The following GATA1 variants were observed in gnomAD, a reference collection of about 807,000 sequenced individuals.
The protein encoded by GATA1 is erythroid transcription factor.
A neutral mutation model predicts 18.9 loss-of-function variants in GATA1; 2 were observed. The ratio of observed to expected loss-of-function variants is 0.11; its 90% CI spans 0.04 to 0.33. GATA1 has a LOEUF of 0.33. Among genes scored for constraint, GATA1 ranks in the 10% least tolerant of loss-of-function variants. The pLI, the probability that GATA1 is intolerant of heterozygous loss-of-function variation, is 1.00. For synonymous variants in GATA1, 152 were observed against 149.1 expected, an observed-to-expected ratio of 1.02 and a Z score of -0.14; for missense variants, 272 against 344.7, an observed-to-expected ratio of 0.79 and a Z score of 1.67.
At chrX:48,790,245 G>A (rs2062669930) in intron 1 of GATA1, among the ~76,000 whole-genome samples, 1 of 109,242 alleles carries the variant, frequency 9.2e-6, no homozygotes, top group Admixed American at 9.7e-5. Flanking sequence ...TTGAGGCCAG[G>A]AGTTCAAGAC....
intron 1 of GATA1, among the ~76,000 whole-genome samples, chrX:48,790,289 CA>C (rs1179079415): frequency 1.9e-4 from 19 of 98,511 alleles, no homozygotes; most frequent in Non-Finnish European, 2.1e-5. Context: ...CCCATTTCTA[CA>C]AAAAAAAAAC....
At position 48,791,098 on chromosome X, in the gene GATA1, C is replaced by T. The variant is rs1557019991; in HGVS notation, c.-12C>T. 1.2e-5 allele frequency: 14 copies of T among 1,194,901 alleles called. No homozygotes were observed. Among genetic ancestry groups the T allele is most frequent in the Non-Finnish European group, 1.6e-5 (14 of 883,063 alleles). On this transcript the variant is annotated 5_prime_UTR_variant, in exon 2 of 6. Transcript: ENST00000376670. ...CCCCTTCTGTCCTCGCAGGTTAATC[C>T]CCAGAGGCTCCATGGAGTTCCCTGG...
rs1557020679 is a variant in GATA1, at chrX:48,794,201, C to T, written c.*37C>T. The T allele has an allele frequency of 1.7e-6, 2 of 1,194,006 alleles. No individual in the cohort carries two copies. Among genetic ancestry groups the T allele is most frequent in the Non-Finnish European group, 2.3e-6 (2 of 885,312 alleles). On this transcript the variant is annotated 3_prime_UTR_variant, in exon 6 of 6. Transcript: ENST00000376670. Reference sequence around the variant, plus strand: ...ATGGCCTCCAGAGGAGGGGTGGTGTCCTTCTCCTCTTGTAGCCAGAATTCT... The same window carrying T: ...ATGGCCTCCAGAGGAGGGGTGGTGTTCTTCTCCTCTTGTAGCCAGAATTCT...
Position 48,794,119 on chromosome X carries a change from GC to G in GATA1, c.1203del (p.Thr402ProfsTer30), listed in dbSNP as rs2147307824. ...CGGGCTCCTTCCCCACAGGCCCCATGCCCCCCACCACCAGCACTACTGTGGT... is the reference window on the plus strand; with the variant it reads ...CGGGCTCCTTCCCCACAGGCCCCATGCCCCCACCACCAGCACTACTGTGGT... Reference protein sequence around the residue: ...PTGSFPTGPMPPTTSTTVVAP... With the variant: ...PTGSFPTGPMXPTTSTTVVAP... On this transcript the variant is annotated frameshift_variant, in exon 6 of 6. Coordinates refer to ENST00000376670, the MANE Select transcript of GATA1 (RefSeq NM_002049.4). LOFTEE classifies it high-confidence loss of function. 8.4e-7 allele frequency: 1 copy of G among 1,188,296 alleles called. No individual in the cohort carries two copies.
Position 48,792,217 on chromosome X carries a change from C to A in GATA1, c.594C>A (p.Pro198=), listed in dbSNP as rs369844571. 48 of 1,209,598 alleles carry A rather than the reference C, an allele frequency of 4.0e-5. No homozygotes were observed. The highest frequency in any genetic ancestry group is 4.6e-4 in the Middle Eastern group (2 of 4,375). Residue 198 remains proline (P), a synonymous_variant, in exon 3 of 6, where the codon CCC becomes CCA. Transcript: ENST00000376670. ...PKLRGTLPLP[P]CEARECVNCG... ...TTCGTGGAACTCTCCCCCTGCCTCC[C>A]TGTGGTGAGAAATTCAAAAAAGGAC...
chrX:48,791,963 G>C lies in GATA1; in HGVS notation c.340G>C (p.Glu114Gln), dbSNP rs1317593957. The change falls in exon 3 of 6, where the codon GAG becomes CAG. Residue 114 changes from glutamate to glutamine, a missense_variant. Glu to Gln is a conservative substitution (Grantham distance 29). Transcript: ENST00000376670. The stretch of plus-strand genomic sequence containing the variant: ...TGCCTCAACTGTGTGTCCCACCCGC[G>C]AGGACTCTCCTCCCCAGGCCGTGGA... ...YPASTVCPTR[E>Q]DSPPQAVEDL... 1 of 1,211,673 alleles carries C rather than the reference G, an allele frequency of 8.3e-7. No homozygotes were observed. Among genetic ancestry groups the C allele is most frequent in the Non-Finnish European group, 1.1e-6 (1 of 895,482 alleles).
chrX:48,792,553 G>T (rs1471974091), intron 4 of GATA1, 85 bp downstream of exon 4: 1 of 1,140,613 alleles, frequency 8.8e-7, no homozygotes, highest in Non-Finnish European at 1.2e-6. Flanking sequence ...CATTATATAG[G>T]AACGCTGTTC....
chrX:48,794,260 C>G lies in GATA1; in HGVS notation c.*96C>G. 1.9e-6 allele frequency: 2 copies of G among 1,025,801 alleles called. No homozygotes were observed. The highest frequency in any genetic ancestry group is 4.3e-5 in the South Asian group (2 of 45,995). 84.5% of individuals were successfully genotyped at this position (1,025,801 alleles called of 1,213,427 possible). ...CAAGTCTCTGGGCCCCAGGCACCCC[C>G]TGGCTTGAACCTTCAAAGCTTTTGT... On this transcript the variant is annotated 3_prime_UTR_variant, in exon 6 of 6. Coordinates refer to ENST00000376670, the MANE Select transcript of GATA1 (RefSeq NM_002049.4).
rs782271840 is a variant in GATA1, at chrX:48,794,024, G to C, written c.1102G>C (p.Gly368Arg). Residue 368 changes from glycine (G) to arginine (R), a missense_variant, in exon 6 of 6, where the codon GGC becomes CGC. Gly to Arg is a moderately radical substitution (Grantham distance 125). This residue lies in a region of GATA1 where 83 missense variants were observed against 84.2 expected (regional missense o/e 0.99). Coordinates refer to ENST00000376670, the MANE Select transcript of GATA1 (RefSeq NM_002049.4). ...PGTAHLYQGLGPVVLSGPVSH... is the reference protein window; with the variant it reads ...PGTAHLYQGLRPVVLSGPVSH... The stretch of plus-strand genomic sequence containing the variant: ...TACTGCCCATCTCTACCAAGGCCTG[G>C]GCCCTGTGGTGCTGTCAGGGCCTGT... 3 of 1,209,698 alleles carry C rather than the reference G, an allele frequency of 2.5e-6. No homozygotes were observed. In the African/African-American group the frequency reaches 5.2e-5, roughly 21 times the overall value.
intron 1 of GATA1, among the ~76,000 whole-genome samples, chrX:48,790,151 G>A (rs1480965908): frequency 9.1e-6 from 1 of 110,295 alleles, no homozygotes; most frequent in Non-Finnish European, 1.9e-5. Context: ...GTGGAGAGTA[G>A]ATGTAGACAG....
intron 1 of GATA1, among the ~76,000 whole-genome samples, chrX:48,787,346 C>T (rs782505834): frequency 9.0e-6 from 1 of 111,339 alleles, no homozygotes; most frequent in South Asian, 3.8e-4. Flanking sequence ...CTTCCCCAAA[C>T]CGTATCTCAG....
Position 48,792,375 on chromosome X carries a change from G to A in GATA1, c.651G>A (p.Arg217=). Residue 217 remains arginine (R), a synonymous_variant, in exon 4 of 6, where the codon AGG becomes AGA. Coordinates refer to ENST00000376670, the MANE Select transcript of GATA1 (RefSeq NM_002049.4). ...CGATATPLWR[R]DRTGHYLCNA... is the part of the protein sequence containing the mutation. Reference sequence around the variant, plus strand: ...CAACAGCCACTCCACTGTGGCGGAGGGACAGGACAGGCCACTACCTATGCA... The same window carrying A: ...CAACAGCCACTCCACTGTGGCGGAGAGACAGGACAGGCCACTACCTATGCA... 8.3e-7 allele frequency: 1 copy of A among 1,211,558 alleles called. No individual in the cohort carries two copies. Among genetic ancestry groups the A allele is most frequent in the Non-Finnish European group, 1.1e-6 (1 of 895,389 alleles).
intron 1 of GATA1, among the ~76,000 whole-genome samples, chrX:48,787,686 C>A (rs1248943890): frequency 1.8e-5 from 2 of 111,499 alleles, no homozygotes; most frequent in African/African-American, 3.3e-5. Flanking sequence ...CTCTGCTCCA[C>A]AACCCCGCCC....
chrX:48,792,132 G>A lies in GATA1; in HGVS notation c.509G>A (p.Ser170Asn). ...GCTTATGGGGGCCCTGACTTTTCCA[G>A]TACCTTCTTTTCTCCCACCGGGAGC... ...NSAYGGPDFS[S>N]TFFSPTGSPL... is the part of the protein sequence containing the mutation. The change falls in exon 3 of 6, where the codon AGT (serine) becomes AAT (asparagine). Residue 170 changes from serine to asparagine, a missense_variant. Physicochemically the swap from Ser to Asn is conservative, Grantham distance 46 (BLOSUM62 1). Transcript: ENST00000376670. The A allele has an allele frequency of 3.3e-6, 4 of 1,211,055 alleles. No homozygotes were observed. Among genetic ancestry groups the A allele is most frequent in the Non-Finnish European group, 3.4e-6 (3 of 895,029 alleles).
chrX:48,791,750 T>C (rs1459425631), intron 2 of GATA1, 94 bp from the exon 3 acceptor site: 4 of 1,045,820 alleles, frequency 3.8e-6, no homozygotes, highest in Non-Finnish European at 5.3e-6. Context: ...TTGGCCACCA[T>C]GTTGGGGGTG....
At chrX:48,790,003 C>T (rs1443383256) in intron 1 of GATA1, among the ~76,000 whole-genome samples, 5 of 102,984 alleles carry the variant, frequency 4.9e-5, no homozygotes, top group Admixed American at 1.1e-4. Flanking sequence ...GAAGAAAGGA[C>T]GGGGGGACGG....
At chrX:48,791,367 T>C in intron 2 of GATA1, 38 bp downstream of exon 2, 1 of 1,113,127 alleles carries the variant, frequency 9.0e-7, no homozygotes, top group South Asian at 1.9e-5. Flanking sequence ...ATTGGCTGAG[T>C]GCTGTTGGGG....
In GATA1 at chrX:48,791,982, C is replaced by T. The variant is rs782377129; in HGVS notation, c.359C>T (p.Ala120Val). The change falls in exon 3 of 6, where the codon GCC (alanine) becomes GTC (valine). Residue 120 changes from alanine (A) to valine (V), a missense_variant. Ala to Val is a moderately conservative substitution (Grantham distance 64). Transcript: ENST00000376670. ...CPTREDSPPQ[A>V]VEDLDGKGST... ...ACCCGCGAGGACTCTCCTCCCCAGG[C>T]CGTGGAAGATCTGGATGGAAAAGGC... 2.5e-6 allele frequency: 3 copies of T among 1,210,005 alleles called. No individual in the cohort carries two copies. The highest frequency in any genetic ancestry group is 5.9e-5 in the East Asian group (2 of 33,751).
intron 2 of GATA1, 135 bp downstream of exon 2, chrX:48,791,464 C>T: frequency 1.6e-6 from 1 of 626,316 alleles, no homozygotes; most frequent in East Asian, 3.5e-5. Context: ...GATGTGCCGA[C>T]CACTTTCCCT....
Sources: gnomAD v4.1 joint callset for allele counts (sites outside exome capture counted in the v4.1 genomes callset) on GRCh38, gnomAD v4.1.1 for gene constraint, gnomAD v4.1.1 regional missense constraint, MANE v1.5 for transcripts, NCBI Gene and HGNC (gene_info 2026-07-23, HGNC 2026-07-21) for gene names.